The following SCUBE1 variants were observed in gnomAD, a reference collection of about 807,000 sequenced individuals.
SCUBE1 encodes the protein signal peptide, CUB and EGF-like domain-containing protein 1.
SCUBE1 carries 59 observed loss-of-function variants against 124.4 expected under a neutral mutation model. That is an observed-to-expected ratio of 0.47 (90% CI 0.38 to 0.59). The LOEUF (loss-of-function observed/expected upper bound fraction) is 0.59. SCUBE1 is among the 20% of genes least tolerant of loss of function. The pLI, the probability that SCUBE1 is intolerant of heterozygous loss-of-function variation, is 0.00. For missense variants in SCUBE1, 1,150 were observed against 1,371.2 expected (o/e 0.84, Z 2.55); for synonymous variants, 545 against 550.9 (o/e 0.99, Z 0.15).
At chr22:43,231,106 A>G (rs1015394899) in intron 8 of SCUBE1, among the ~76,000 whole-genome samples, 13 of 152,232 alleles carry the variant, frequency 8.5e-5, no homozygotes, top group African/African-American at 3.1e-4. Flanking sequence ...ATCCGGCCCC[A>G]CCAAGTTCCT....
intron 4 of SCUBE1, among the ~76,000 whole-genome samples, chr22:43,289,876 T>G (rs576322162): frequency 4.6e-4 from 69 of 149,490 alleles, no homozygotes; most frequent in African/African-American, 1.7e-3. Flanking sequence ...TCCCCATCTC[T>G]CAGCGTGAGC....
intron 6 of SCUBE1, among the ~76,000 whole-genome samples, chr22:43,239,616 T>C (rs578255196): frequency 1.4e-4 from 22 of 152,390 alleles, no homozygotes; most frequent in South Asian, 2.1e-4. Flanking sequence ...ACCGAGGTCA[T>C]TGAAGCCGTC....
At chr22:43,205,698 C>T (rs375957639) in intron 21 of SCUBE1, among the ~76,000 whole-genome samples, 35 of 106,550 alleles carry the variant, frequency 3.3e-4, no homozygotes, top group African/African-American at 1.4e-3. Flanking sequence ...CCCCCACACA[C>T]ACCACCCACT....
At chr22:43,281,509 T>TCCTCAGCCACCCTCCTGTCACCTC (rs1466719513) in intron 4 of SCUBE1, among the ~76,000 whole-genome samples, 2 of 50,312 alleles carry the variant, frequency 4.0e-5, no homozygotes, top group Admixed American at 2.3e-4. Flanking sequence ...TGTCACCTCC[T>TCCTCAGCCACCCTCCTGTCACCTC]CCTCAGCCAC....
intron 2 of SCUBE1, among the ~76,000 whole-genome samples, chr22:43,322,236 G>T (rs1926581622): frequency 6.6e-6 from 1 of 152,082 alleles, no homozygotes; most frequent in African/African-American, 2.4e-5. Context: ...GCCCACCTTG[G>T]CCTCCCAAAG....
intron 8 of SCUBE1, among the ~76,000 whole-genome samples, chr22:43,230,023 A>G (rs139857483): frequency 1.3e-5 from 2 of 152,348 alleles, no homozygotes; most frequent in African/African-American, 4.8e-5. Flanking sequence ...ATATACGCGT[A>G]TTTATAAAAC....
At chr22:43,288,614 C>T (rs776595150) in intron 4 of SCUBE1, among the ~76,000 whole-genome samples, 13 of 152,260 alleles carry the variant, frequency 8.5e-5, no homozygotes, top group Non-Finnish European at 1.6e-4. Flanking sequence ...CACAAGCTTC[C>T]CACCTGGCTT....
At chr22:43,291,298 TCC>T (rs199825866) in intron 3 of SCUBE1, 118 bp from the exon 4 acceptor site, 103 of 1,141,722 alleles carry the variant, frequency 9.0e-5, no homozygotes, top group African/African-American at 4.4e-4. Flanking sequence ...AGGGAGGGAC[TCC>T]AGAGAGGGCC....
chr22:43,247,937 A>G (rs1923282483), intron 6 of SCUBE1, among the ~76,000 whole-genome samples: 1 of 152,162 alleles, frequency 6.6e-6, no homozygotes, highest in Non-Finnish European at 1.5e-5. Flanking sequence ...AAATGGCAGG[A>G]GGTCACAGAG....
In SCUBE1 at chr22:43,210,953, G is replaced by A. The variant is rs369850350; in HGVS notation, c.2352C>T (p.Phe784=). 2.0e-5 allele frequency: 33 copies of A among 1,613,952 alleles called. No homozygotes were observed. The highest frequency in any genetic ancestry group is 2.7e-5 in the Non-Finnish European group (32 of 1,179,996). ...AGTGTGTGACGTTGGTGGAGCCATC[G>A]AAGTCTGTGCTGGTGTTGCCCGGAC... ...ITCPGNTSTD[F]DGSTNVTHCK... Residue 784 remains phenylalanine, a synonymous_variant, in exon 18 of 22, where the codon TTC becomes TTT. Coordinates refer to ENST00000360835, the MANE Select transcript of SCUBE1 (RefSeq NM_173050.5). This position sits in a 1 kb window ranked among gnomAD's most constrained non-coding sequence, Gnocchi z 4.5.
At chr22:43,314,344 C>G (rs11090150) in intron 3 of SCUBE1, among the ~76,000 whole-genome samples, 51,662 of 152,018 alleles carry the variant, frequency 0.34, 10,799 homozygotes, top group Non-Finnish European at 0.47. Context: ...GTACACACCC[C>G]CTCTGAAGCA....
chr22:43,242,709 A>C (rs575626523), intron 6 of SCUBE1, among the ~76,000 whole-genome samples: 4 of 152,300 alleles, frequency 2.6e-5, no homozygotes, highest in African/African-American at 9.6e-5. Context: ...TAAAGACAGA[A>C]TTTCCTTGTG....
chr22:43,220,036 T>C (rs1168597364), intron 14 of SCUBE1, among the ~76,000 whole-genome samples: 3 of 152,150 alleles, frequency 2.0e-5, no homozygotes, highest in African/African-American at 7.2e-5. Flanking sequence ...CACTCACATA[T>C]AGCCAAGAGC....
intron 6 of SCUBE1, among the ~76,000 whole-genome samples, chr22:43,246,999 G>T (rs894816877): frequency 3.9e-5 from 6 of 152,214 alleles, no homozygotes; most frequent in African/African-American, 1.4e-4. Flanking sequence ...CAGGCACCAG[G>T]CGCTGTTAAT....
chr22:43,285,826 C>T (rs892390578), intron 4 of SCUBE1, among the ~76,000 whole-genome samples: 3 of 152,216 alleles, frequency 2.0e-5, no homozygotes, highest in Admixed American at 6.5e-5. Context: ...CAAATAGGTG[C>T]GGGAGCTCAG....
Position 43,238,857 on chromosome 22 carries a change from C to G in SCUBE1, c.825G>C (p.Pro275=). 6.2e-7 allele frequency: 1 copy of G among 1,613,088 alleles called. No individual in the cohort carries two copies. Among genetic ancestry groups the G allele is most frequent in the Admixed American group, 1.7e-5 (1 of 60,024 alleles). The change falls in exon 7 of 22, where the codon CCG becomes CCC. Residue 275 remains proline, a synonymous_variant. Coordinates refer to ENST00000360835, the MANE Select transcript of SCUBE1 (RefSeq NM_173050.5). ...CSCPVGFTLQ[P]DGKTCKDINE... is the part of the protein sequence containing the mutation. ...GCTGACCTTTGCATGTCTTCCCGTC[C>G]GGCTGCAGTGTGAATCCAACGGGGC... is the stretch of plus-strand genomic sequence containing the variant.
chr22:43,261,839 T>C (rs1923882537), intron 5 of SCUBE1, among the ~76,000 whole-genome samples: 1 of 152,210 alleles, frequency 6.6e-6, no homozygotes, highest in African/African-American at 2.4e-5. Flanking sequence ...AGGGCAAATA[T>C]GACATCGCTT....
intron 6 of SCUBE1, among the ~76,000 whole-genome samples, chr22:43,248,970 G>C (rs942154063): frequency 2.0e-5 from 3 of 150,826 alleles, no homozygotes; most frequent in African/African-American, 7.5e-5. Context: ...TGTGCCCTGA[G>C]GGGGGGCACC....
At chr22:43,302,564 G>GGCAGTA (rs1925815087) in intron 3 of SCUBE1, among the ~76,000 whole-genome samples, 2 of 152,156 alleles carry the variant, frequency 1.3e-5, no homozygotes, top group Non-Finnish European at 2.9e-5. Flanking sequence ...CTCAGCCCAG[G>GGCAGTA]GCAGTAGCTG....
Sources: allele counts gnomAD v4.1 joint callset (sites outside exome capture counted in the v4.1 genomes callset), GRCh38; gene constraint gnomAD v4.1.1; non-coding constraint Gnocchi (gnomAD v3.1); transcripts MANE v1.5; gene names NCBI Gene and HGNC (gene_info 2026-07-23, HGNC 2026-07-21).